BMP5: variants seen among roughly 807,000 people sequenced by gnomAD.
BMP5 encodes bone morphogenetic protein 5.
A neutral mutation model predicts 46.6 loss-of-function variants in BMP5; 23 were observed. That is an observed-to-expected ratio of 0.49 (90% CI 0.35 to 0.70). BMP5 has a LOEUF of 0.70. BMP5 is among the 30% of genes least tolerant of loss of function. The pLI is 0.00. For synonymous variants in BMP5, 204 were observed against 191.9 expected, an observed-to-expected ratio of 1.06 and a Z score of -0.52; for missense variants, 545 against 565.6, an observed-to-expected ratio of 0.96 and a Z score of 0.37.
intron 1 of BMP5, among the ~76,000 whole-genome samples, chr6:55,824,253 G>T (rs1346770871): frequency 6.6e-6 from 1 of 151,808 alleles, no homozygotes; most frequent in Non-Finnish European, 1.5e-5. Context: ...GACTTGGGAA[G>T]GTTAAAAGAT....
At chr6:55,764,730 A>G (rs1227204091) in intron 4 of BMP5, among the ~76,000 whole-genome samples, 2 of 151,980 alleles carry the variant, frequency 1.3e-5, no homozygotes, top group Admixed American at 1.3e-4. Context: ...AAAAAAAAAA[A>G]AAAAGATCTC....
At chr6:55,771,706 A>G (rs918281293) in intron 4 of BMP5, among the ~76,000 whole-genome samples, 2 of 151,740 alleles carry the variant, frequency 1.3e-5, no homozygotes, top group African/African-American at 4.8e-5. Flanking sequence ...CTTCTGTACT[A>G]ATGGAGATTT....
chr6:55,780,470 A>AAAAAAAAAAAAG (rs1554181020), intron 3 of BMP5, among the ~76,000 whole-genome samples: 43 of 131,662 alleles, frequency 3.3e-4, no homozygotes, highest in Non-Finnish European at 4.7e-4. Flanking sequence ...AAAAAAAAAA[A>AAAAAAAAAAAAG]AAAGAAAGAA....
intron 1 of BMP5, among the ~76,000 whole-genome samples, chr6:55,847,097 A>G (rs1477700608): frequency 6.6e-6 from 1 of 151,952 alleles, no homozygotes; most frequent in Non-Finnish European, 1.5e-5. Context: ...TAGGCACTGC[A>G]GTTCCTATTT....
rs1325264457 is a variant in BMP5, at chr6:55,755,829, G to A, written c.1216-147C>T. On this transcript the variant is annotated intron_variant, in intron 6 of 6. Transcript: ENST00000370830. ...TCCCATTTATTCCATGACTGGGGTG[G>A]GGGACTGAAGGATGTATTCTTAAGC... The A allele has an allele frequency of 3.9e-6, 3 of 764,940 alleles. No homozygotes were observed. The African/African-American group carries it at 5.3e-5, about 13-fold the overall frequency. 47.4% of individuals were successfully genotyped at this position (764,940 alleles called of 1,614,324 possible).
At chr6:55,845,569 T>C (rs1216821255) in intron 1 of BMP5, among the ~76,000 whole-genome samples, 1 of 151,974 alleles carries the variant, frequency 6.6e-6, no homozygotes, top group Non-Finnish European at 1.5e-5. Context: ...GATAGCAACA[T>C]TGTACTGACA....
intron 2 of BMP5, among the ~76,000 whole-genome samples, chr6:55,796,241 C>T (rs1441260809): frequency 6.6e-6 from 1 of 151,922 alleles, no homozygotes; most frequent in Non-Finnish European, 1.5e-5. Flanking sequence ...CATCCCTTGG[C>T]ATGATATTAA....
chr6:55,777,111 A>T (rs952267438), intron 3 of BMP5, among the ~76,000 whole-genome samples: 5 of 151,842 alleles, frequency 3.3e-5, no homozygotes, highest in Non-Finnish European at 7.4e-5. Context: ...TTGCTCAGTT[A>T]CCCTTGGTCT....
intron 2 of BMP5, among the ~76,000 whole-genome samples, chr6:55,811,569 C>T (rs1029026071): frequency 7.9e-5 from 12 of 151,986 alleles, no homozygotes; most frequent in African/African-American, 2.4e-5. Flanking sequence ...ATTCATTATA[C>T]GCTTGAACTT....
At chr6:55,845,549 A>G (rs1233274904) in intron 1 of BMP5, among the ~76,000 whole-genome samples, 1 of 151,956 alleles carries the variant, frequency 6.6e-6, no homozygotes, top group African/African-American at 2.4e-5. Context: ...TACCATGCAG[A>G]TCTCTGGGTG....
intron 1 of BMP5, among the ~76,000 whole-genome samples, chr6:55,868,558 T>C (rs1378891375): frequency 7.1e-6 from 1 of 140,174 alleles, no homozygotes; most frequent in Non-Finnish European, 1.5e-5. Flanking sequence ...AAGACCTTTC[T>C]TACTAATCTA....
At chr6:55,794,121 T>C (rs940159101) in intron 3 of BMP5, among the ~76,000 whole-genome samples, 158 bp downstream of exon 3, 4 of 152,322 alleles carry the variant, frequency 2.6e-5, no homozygotes, top group Middle Eastern at 3.4e-3. Flanking sequence ...GTGTTCTGAA[T>C]TGATTAACTA....
intron 2 of BMP5, among the ~76,000 whole-genome samples, chr6:55,797,371 C>A (rs1316108743): frequency 6.6e-6 from 1 of 152,098 alleles, no homozygotes; most frequent in African/African-American, 2.4e-5. Context: ...AAAAGAAATT[C>A]TTACAATATC....
chr6:55,767,291 T>G (rs1774936507), intron 4 of BMP5, among the ~76,000 whole-genome samples: 1 of 152,018 alleles, frequency 6.6e-6, no homozygotes, highest in South Asian at 2.1e-4. Flanking sequence ...TTTTCTCTGA[T>G]GTAAGAGTTT....
chr6:55,816,667 C>A (rs1368627037), intron 2 of BMP5, among the ~76,000 whole-genome samples: 1 of 152,124 alleles, frequency 6.6e-6, no homozygotes, highest in Admixed American at 6.6e-5. Context: ...AATAACAATG[C>A]ATATCAGTCA....
At chr6:55,832,273 G>A (rs973104218) in intron 1 of BMP5, among the ~76,000 whole-genome samples, 1 of 152,110 alleles carries the variant, frequency 6.6e-6, no homozygotes, top group Non-Finnish European at 1.5e-5. Flanking sequence ...CCTGAGAGCT[G>A]TCTGTTGATC....
chr6:55,873,824 T>C (rs1184828259), intron 1 of BMP5, among the ~76,000 whole-genome samples: 1 of 152,092 alleles, frequency 6.6e-6, no homozygotes, highest in African/African-American at 2.4e-5. Context: ...AAATATTTAC[T>C]ATAGAATTTC....
chr6:55,850,384 A>C lies in BMP5; in HGVS notation c.490+23992T>G, dbSNP rs1230446897. On this transcript the variant is annotated intron_variant, in intron 1 of 6. Coordinates refer to ENST00000370830, the MANE Select transcript of BMP5 (RefSeq NM_021073.4). Reference sequence around the variant, plus strand: ...TAGATAGATAGATAGATAGATAGATAGATAGATAGATCGATAGATATAGAT... The same window carrying C: ...TAGATAGATAGATAGATAGATAGATCGATAGATAGATCGATAGATATAGAT... Among the ~76,000 whole-genome samples, 5 of 150,532 alleles carry C rather than the reference A, an allele frequency of 3.3e-5. No individual in the cohort carries two copies. In the East Asian group the frequency reaches 7.7e-4, roughly 23 times the overall value.
At chr6:55,824,815 A>T (rs1040767693) in intron 1 of BMP5, among the ~76,000 whole-genome samples, 2 of 151,930 alleles carry the variant, frequency 1.3e-5, no homozygotes, top group African/African-American at 4.8e-5. Context: ...GTCTAACAAG[A>T]CCAAGAGGGG....
Sources: allele counts gnomAD v4.1 joint callset (sites outside exome capture counted in the v4.1 genomes callset), GRCh38; gene constraint gnomAD v4.1.1; transcripts MANE v1.5; gene names NCBI Gene and HGNC (gene_info 2026-07-23, HGNC 2026-07-21).